Variants in ANKS1B observed in about 807,000 individuals in gnomAD.
The protein encoded by ANKS1B is ankyrin repeat and sterile alpha motif domain-containing protein 1B.
Under a neutral mutation model 148.3 loss-of-function variants are expected in ANKS1B, and 36 were observed. The ratio of observed to expected loss-of-function variants is 0.24; its 90% confidence interval spans 0.19 to 0.32. ANKS1B has a LOEUF of 0.32. Ranked by LOEUF, ANKS1B falls within the 10% of genes least tolerant of loss-of-function variation. The pLI is 1.00. For synonymous variants in ANKS1B, 542 were observed against 560.8 expected, an observed-to-expected ratio of 0.97 and a Z score of 0.47; for missense variants, 1,157 against 1,542.6, an observed-to-expected ratio of 0.75 and a Z score of 4.19.
At chr12:99,698,102 T>C (rs57370071) in intron 8 of ANKS1B, among the ~76,000 whole-genome samples, 1,703 of 152,140 alleles carry the variant, frequency 0.011, 29 homozygotes, top group African/African-American at 0.039. Flanking sequence ...ATAGTTTTGA[T>C]GACATATTAA....
intron 9 of ANKS1B, among the ~76,000 whole-genome samples, chr12:99,562,552 G>A (rs1210608279): frequency 6.6e-6 from 1 of 152,222 alleles, no homozygotes; most frequent in Non-Finnish European, 1.5e-5. Context: ...ATAAAGGAAA[G>A]AGGTTTAATT....
chr12:99,221,614 AC>A (rs1264780929), intron 14 of ANKS1B, among the ~76,000 whole-genome samples: 1 of 152,242 alleles, frequency 6.6e-6, no homozygotes, highest in Non-Finnish European at 1.5e-5. Context: ...TATTCATAAT[AC>A]AAGAAACAGC....
intron 15 of ANKS1B, among the ~76,000 whole-genome samples, chr12:99,094,824 C>T (rs1194330921): frequency 6.6e-6 from 1 of 152,120 alleles, no homozygotes; most frequent in Non-Finnish European, 1.5e-5. Context: ...ATTCCAAGTG[C>T]AATGGGAAAC....
intron 12 of ANKS1B, among the ~76,000 whole-genome samples, chr12:99,313,787 T>A (rs887221910): frequency 3.9e-5 from 6 of 152,150 alleles, no homozygotes; most frequent in Non-Finnish European, 7.3e-5. Flanking sequence ...AAGAGCTATT[T>A]ATGACAAACC....
At chr12:98,777,773 C>T (rs564776661) in intron 24 of ANKS1B, among the ~76,000 whole-genome samples, 2 of 152,296 alleles carry the variant, frequency 1.3e-5, no homozygotes, top group African/African-American at 4.8e-5. Flanking sequence ...TAACCCTTTC[C>T]CATGAATTCA....
chr12:98,749,324 A>G (rs889475873), intron 26 of ANKS1B, among the ~76,000 whole-genome samples: 1 of 151,276 alleles, frequency 6.6e-6, no homozygotes, highest in African/African-American at 2.4e-5. Context: ...AGCCAGGAGA[A>G]TCTCGATCTC....
At chr12:99,419,062 T>C (rs1046054556) in intron 11 of ANKS1B, among the ~76,000 whole-genome samples, 2 of 152,202 alleles carry the variant, frequency 1.3e-5, no homozygotes, top group African/African-American at 4.8e-5. Flanking sequence ...TTTGTCTATA[T>C]TCATGAGGAA....
At chr12:99,678,036 C>T (rs1703184548) in intron 8 of ANKS1B, among the ~76,000 whole-genome samples, 1 of 152,084 alleles carries the variant, frequency 6.6e-6, no homozygotes, top group South Asian at 2.1e-4. Flanking sequence ...GCAAAAATTG[C>T]AACACTTCAA....
intron 17 of ANKS1B, among the ~76,000 whole-genome samples, chr12:99,003,303 G>T (rs552517549): frequency 6.6e-6 from 1 of 151,958 alleles, no homozygotes; most frequent in Non-Finnish European, 1.5e-5. Flanking sequence ...AAATTATTCC[G>T]GCTACTCAGG....
In ANKS1B at chr12:99,909,209, T is replaced by C. The variant is rs185788041; in HGVS notation, c.134+74895A>G. Among the ~76,000 whole-genome samples, 22 of 143,562 alleles carry C rather than the reference T, an allele frequency of 1.5e-4. No individual in the cohort carries two copies. In the East Asian group the frequency reaches 3.1e-3, roughly 20 times the overall value. 94.2% of individuals were successfully genotyped at this position (143,562 alleles called of 152,430 possible). A position where few individuals can be genotyped will look rare whatever the true frequency, so the allele number is the denominator to read the frequency against. On this transcript the variant is annotated intron_variant, in intron 1 of 26. Transcript: ENST00000683438. ...GATCTCCTTTTTTAAGGCTGGACAATATTCCATCGTGTGTGTGTGTGTGTG... is the reference window on the plus strand; with the variant it reads ...GATCTCCTTTTTTAAGGCTGGACAACATTCCATCGTGTGTGTGTGTGTGTG...
chr12:99,397,734 A>T (rs1402001297), intron 12 of ANKS1B, among the ~76,000 whole-genome samples: 1 of 152,150 alleles, frequency 6.6e-6, no homozygotes, highest in East Asian at 1.9e-4. Context: ...GATATACATA[A>T]AATGCCTAAA....
chr12:99,859,212 A>G (rs139067119), intron 1 of ANKS1B, among the ~76,000 whole-genome samples: 1 of 152,348 alleles, frequency 6.6e-6, no homozygotes. Flanking sequence ...TGTCACATTT[A>G]ATCAGTTAGT....
intron 2 of ANKS1B, among the ~76,000 whole-genome samples, chr12:99,824,306 C>A (rs538247033): frequency 1.3e-5 from 2 of 152,108 alleles, no homozygotes; most frequent in East Asian, 3.9e-4. Context: ...TGAAGACCAG[C>A]CTGATCAACA....
chr12:98,871,374 G>A (rs146610140), intron 17 of ANKS1B, among the ~76,000 whole-genome samples: 77 of 152,102 alleles, frequency 5.1e-4, no homozygotes, highest in Admixed American at 2.4e-3. Flanking sequence ...TAATTTCTAC[G>A]ATAGAAAAGT....
intron 17 of ANKS1B, among the ~76,000 whole-genome samples, chr12:98,905,440 A>T (rs1335078189): frequency 3.3e-5 from 5 of 152,110 alleles, no homozygotes; most frequent in Non-Finnish European, 5.9e-5. Context: ...AGAGTTTCTG[A>T]TGAGGGTAGG....
chr12:98,834,318 T>TAA (rs1211387498), intron 17 of ANKS1B, among the ~76,000 whole-genome samples: 1 of 152,220 alleles, frequency 6.6e-6, no homozygotes, highest in African/African-American at 2.4e-5. Context: ...ATTCCAGGTG[T>TAA]AAGTGAACCA....
intron 11 of ANKS1B, among the ~76,000 whole-genome samples, chr12:99,432,338 T>C (rs1342210077): frequency 6.6e-6 from 1 of 152,184 alleles, no homozygotes; most frequent in Non-Finnish European, 1.5e-5. Flanking sequence ...ATTTCCTCTC[T>C]GGAATAGTCT....
At chr12:99,255,522 T>C (rs2075153814) in intron 12 of ANKS1B, among the ~76,000 whole-genome samples, 1 of 152,120 alleles carries the variant, frequency 6.6e-6, no homozygotes, top group Admixed American at 6.5e-5. Flanking sequence ...TCTGGATTTA[T>C]TCTATTATTT....
At chr12:99,154,886 C>A in intron 14 of ANKS1B, 2 of 1,535,042 alleles carry the variant, frequency 1.3e-6, no homozygotes, top group Non-Finnish European at 1.7e-6. Flanking sequence ...CTACACCTCG[C>A]ATTTTCAATA....
Sources: gnomAD v4.1 joint callset for allele counts (sites outside exome capture counted in the v4.1 genomes callset) on GRCh38, gnomAD v4.1.1 for gene constraint, MANE v1.5 for transcripts, NCBI Gene and HGNC (gene_info 2026-07-23, HGNC 2026-07-21) for gene names.